RNF150: variants seen among roughly 807,000 people sequenced by gnomAD.
RNF150 encodes ring finger protein 150.
A neutral mutation model predicts 39.3 loss-of-function variants in RNF150; 24 were observed. The ratio of observed to expected loss-of-function variants is 0.61; its 90% CI spans 0.44 to 0.86. The LOEUF is 0.86. RNF150 is among the 40% of genes least tolerant of loss of function. The probability of loss-of-function intolerance (pLI) is 0.00; values close to 1 mark genes in which losing one functional copy is unlikely to be tolerated. For missense variants in RNF150, 502 were observed against 587.8 expected, an observed-to-expected ratio of 0.85 and a Z score of 1.51; for synonymous variants, 255 against 227.3, an observed-to-expected ratio of 1.12 and a Z score of -1.10.
chr4:140,986,541 C>T (rs942788864), intron 1 of RNF150, among the ~76,000 whole-genome samples: 5 of 152,078 alleles, frequency 3.3e-5, no homozygotes, highest in African/African-American at 1.2e-4. Context: ...CCCTGCATAT[C>T]TCTTTCCATA....
At chr4:141,081,544 C>T (rs1390360468) in intron 1 of RNF150, among the ~76,000 whole-genome samples, 1 of 152,180 alleles carries the variant, frequency 6.6e-6, no homozygotes. Context: ...CCTATTAAAA[C>T]AGTTGCATTT....
chr4:141,161,470 G>A (rs1196145703), intron 1 of RNF150, among the ~76,000 whole-genome samples: 3 of 152,250 alleles, frequency 2.0e-5, no homozygotes, highest in South Asian at 2.1e-4. Flanking sequence ...GCCTGGCTAT[G>A]TGGTAGAAGA....
chr4:140,870,607 T>C (rs756923945), intron 6 of RNF150, among the ~76,000 whole-genome samples: 22 of 152,074 alleles, frequency 1.4e-4, no homozygotes, highest in Non-Finnish European at 2.8e-4. Flanking sequence ...GTGCTTGTTT[T>C]CTCAGCAGGG....
intron 1 of RNF150, among the ~76,000 whole-genome samples, chr4:141,066,179 G>C (rs772865008): frequency 6.6e-6 from 1 of 151,204 alleles, no homozygotes; most frequent in Non-Finnish European, 1.5e-5. Flanking sequence ...TTCCCCTCTG[G>C]ATGCAAGAAC....
chr4:140,962,839 C>A (rs1733095025), intron 2 of RNF150, among the ~76,000 whole-genome samples: 1 of 151,902 alleles, frequency 6.6e-6, no homozygotes, highest in Non-Finnish European at 1.5e-5. Flanking sequence ...AAGTAAGTTT[C>A]CCATTTTGGG....
chr4:141,119,894 T>A (rs1726554026), intron 1 of RNF150, among the ~76,000 whole-genome samples: 2 of 152,230 alleles, frequency 1.3e-5, no homozygotes, highest in South Asian at 4.1e-4. Context: ...GCACAAGATA[T>A]AGAATCAAGT....
intron 4 of RNF150, among the ~76,000 whole-genome samples, chr4:140,945,673 TAAGTA>T (rs1435352975): frequency 6.7e-6 from 1 of 149,952 alleles, no homozygotes; most frequent in Non-Finnish European, 1.5e-5. Context: ...GACAGAGCTT[TAAGTA>T]AATAAACTAT....
At chr4:141,189,291 C>A (rs1000290697) in intron 1 of RNF150, among the ~76,000 whole-genome samples, 1 of 152,172 alleles carries the variant, frequency 6.6e-6, no homozygotes, top group Non-Finnish European at 1.5e-5. Context: ...GAGGGGCACC[C>A]TCCAGAAGCC....
At chr4:140,998,495 A>T (rs746167083) in intron 1 of RNF150, among the ~76,000 whole-genome samples, 3 of 152,170 alleles carry the variant, frequency 2.0e-5, no homozygotes, top group Non-Finnish European at 4.4e-5. Flanking sequence ...GCTGTGAGAA[A>T]ATAAGTGTCT....
At chr4:140,886,146 G>T (rs1729565454) in intron 6 of RNF150, among the ~76,000 whole-genome samples, 1 of 141,996 alleles carries the variant, frequency 7.0e-6, no homozygotes, top group South Asian at 2.2e-4. Flanking sequence ...AGCCGGGATA[G>T]CGCCACTGCG....
At chr4:140,977,286 T>C (rs1332696588) in intron 1 of RNF150, among the ~76,000 whole-genome samples, 1 of 152,146 alleles carries the variant, frequency 6.6e-6, no homozygotes, top group Non-Finnish European at 1.5e-5. Context: ...ATCCAATCAG[T>C]ATGATTCCCT....
At chr4:141,056,083 C>A (rs1423070631) in intron 1 of RNF150, among the ~76,000 whole-genome samples, 1 of 152,144 alleles carries the variant, frequency 6.6e-6, no homozygotes, top group Non-Finnish European at 1.5e-5. Context: ...TTATTTTGTA[C>A]TGAATCATAT....
intron 1 of RNF150, among the ~76,000 whole-genome samples, chr4:141,014,784 C>T (rs1370362990): frequency 9.8e-6 from 1 of 101,650 alleles, no homozygotes; most frequent in Non-Finnish European, 2.2e-5. Context: ...TAGGTTGTTC[C>T]TTTACTTTGT....
At chr4:141,070,586 C>T (rs4642314) in intron 1 of RNF150, among the ~76,000 whole-genome samples, 36,946 of 150,334 alleles carry the variant, frequency 0.25, 4,540 homozygotes, top group Middle Eastern at 0.4. Flanking sequence ...TGAACAGACA[C>T]TTGTCAAAAG....
chr4:141,138,830 G>C (rs1487305105), intron 1 of RNF150, among the ~76,000 whole-genome samples: 3 of 152,196 alleles, frequency 2.0e-5, no homozygotes, highest in African/African-American at 7.2e-5. Flanking sequence ...ACATGGAAGA[G>C]AAGAGATTTC....
chr4:141,181,527 C>T (rs1293358960), intron 1 of RNF150, among the ~76,000 whole-genome samples: 1 of 152,148 alleles, frequency 6.6e-6, no homozygotes, highest in Non-Finnish European at 1.5e-5. Context: ...TACCCTGCAG[C>T]TCTGCTTTTT....
chr4:141,098,798 C>T (rs1244211343), intron 1 of RNF150, among the ~76,000 whole-genome samples: 1 of 152,146 alleles, frequency 6.6e-6, no homozygotes, highest in Non-Finnish European at 1.5e-5. Context: ...TGTTTTCCTT[C>T]CTCATTGTAC....
chr4:141,188,692 C>T (rs1338088604), intron 1 of RNF150, among the ~76,000 whole-genome samples: 1 of 152,182 alleles, frequency 6.6e-6, no homozygotes, highest in Admixed American at 6.5e-5. Flanking sequence ...TGTTTTTCAG[C>T]TTCTTCAGGT....
chr4:140,919,909 C>A (rs1000601196), intron 5 of RNF150, among the ~76,000 whole-genome samples: 12 of 152,106 alleles, frequency 7.9e-5, no homozygotes, highest in African/African-American at 2.9e-4. Flanking sequence ...TGATCTTTGA[C>A]AAACCTGAGA....
Sources: gnomAD v4.1 joint callset for allele counts (sites outside exome capture counted in the v4.1 genomes callset) on GRCh38, gnomAD v4.1.1 for gene constraint, MANE v1.5 for transcripts, NCBI Gene and HGNC (gene_info 2026-07-23, HGNC 2026-07-21) for gene names.